NFIA: variants seen among roughly 807,000 people sequenced by gnomAD.
The protein encoded by NFIA is nuclear factor I A, also known as nuclear factor 1 A-type.
NFIA carries 8 observed loss-of-function variants against 62.8 expected under a neutral mutation model. That is an observed-to-expected ratio of 0.13 (90% confidence interval 0.07 to 0.23). The LOEUF (loss-of-function observed/expected upper bound fraction) is 0.23, where lower values mean the gene tolerates loss of function less well. Among genes scored for constraint, NFIA ranks in the 10% least tolerant of loss-of-function variants. The pLI, the probability that NFIA is intolerant of heterozygous loss-of-function variation, is 1.00. For missense variants in NFIA, 410 were observed against 642.1 expected (o/e 0.64, Z 3.91); for synonymous variants, 235 against 238.1 (o/e 0.99, Z 0.12).
At chr1:61,384,593 T>G (rs1027022175) in intron 7 of NFIA, among the ~76,000 whole-genome samples, 1 of 152,170 alleles carries the variant, frequency 6.6e-6, no homozygotes, top group African/African-American at 2.4e-5. Context: ...ATGAGGCTTA[T>G]TAAATAGTAT....
intron 4 of NFIA, among the ~76,000 whole-genome samples, chr1:61,346,354 G>A (rs1256454849): frequency 6.6e-6 from 1 of 152,148 alleles, no homozygotes; most frequent in African/African-American, 2.4e-5. Flanking sequence ...GTGATAACCT[G>A]GGCAGGCCAG....
chr1:61,311,052 A>G (rs576001060), intron 3 of NFIA, among the ~76,000 whole-genome samples: 1 of 152,282 alleles, frequency 6.6e-6, no homozygotes, highest in East Asian at 1.9e-4. Context: ...AATAGTAGGT[A>G]TTTAGTTAGT....
chr1:61,377,109 G>C (rs1032062782), intron 6 of NFIA, among the ~76,000 whole-genome samples: 1 of 151,994 alleles, frequency 6.6e-6, no homozygotes, highest in Non-Finnish European at 1.5e-5. Flanking sequence ...TGTAGACCCA[G>C]CTACTCAGGA....
intron 6 of NFIA, among the ~76,000 whole-genome samples, chr1:61,374,280 CG>C (rs1372789849): frequency 6.6e-6 from 1 of 151,900 alleles, no homozygotes; most frequent in Non-Finnish European, 1.5e-5. Flanking sequence ...TCTGTGAATG[CG>C]TATAATTGCT....
At chr1:61,264,084 C>G (rs773965091) in intron 2 of NFIA, among the ~76,000 whole-genome samples, 32 of 152,152 alleles carry the variant, frequency 2.1e-4, no homozygotes, top group Non-Finnish European at 4.6e-4. Context: ...CTGAATAATG[C>G]TTTGCACACA....
chr1:61,454,777 G>A (rs182794735), intron 10 of NFIA, among the ~76,000 whole-genome samples: 27 of 152,314 alleles, frequency 1.8e-4, no homozygotes, highest in African/African-American at 5.8e-4. Flanking sequence ...ATCTGGGCCT[G>A]TTAGGAGAGT....
chr1:61,163,119 A>G (rs1649327638), intron 2 of NFIA, among the ~76,000 whole-genome samples: 2 of 152,154 alleles, frequency 1.3e-5, no homozygotes, highest in Non-Finnish European at 2.9e-5. Context: ...AAAAAGAAAA[A>G]TCCTATACCG....
chr1:61,437,037 A>T (rs1026660907), intron 10 of NFIA, among the ~76,000 whole-genome samples: 7 of 152,144 alleles, frequency 4.6e-5, no homozygotes, highest in African/African-American at 1.7e-4. Context: ...ATGTGTTGAG[A>T]TAATGGGGAT....
At chr1:61,313,117 C>T (rs575800287) in intron 3 of NFIA, among the ~76,000 whole-genome samples, 13 of 152,204 alleles carry the variant, frequency 8.5e-5, no homozygotes, top group South Asian at 2.1e-4. Context: ...AGTGTGTTAG[C>T]GGTGACAAAT....
At chr1:61,146,733 C>A (rs1033360645) in intron 2 of NFIA, among the ~76,000 whole-genome samples, 5 of 152,206 alleles carry the variant, frequency 3.3e-5, no homozygotes, top group Non-Finnish European at 5.9e-5. Flanking sequence ...CCTCCACCCC[C>A]ACATGGTGTG....
chr1:61,230,782 T>TA (rs1049015173), intron 2 of NFIA, among the ~76,000 whole-genome samples: 86 of 152,244 alleles, frequency 5.6e-4, no homozygotes, highest in African/African-American at 2.0e-3. Flanking sequence ...TTGCCATGCT[T>TA]ACAGTTTACC....
chr1:61,413,444 T>A (rs1294463748), intron 9 of NFIA, among the ~76,000 whole-genome samples: 1 of 151,956 alleles, frequency 6.6e-6, no homozygotes, highest in Non-Finnish European at 1.5e-5. Flanking sequence ...AAGATGGAGG[T>A]TACATTCCCA....
At chr1:61,309,147 G>A (rs17121931) in intron 3 of NFIA, among the ~76,000 whole-genome samples, 1,955 of 151,920 alleles carry the variant, frequency 0.013, 32 homozygotes, top group African/African-American at 0.045. Context: ...TCCTTCTTTC[G>A]TCTGAGCTCT....
At chr1:61,278,421 T>C (rs1394842921) in intron 3 of NFIA, among the ~76,000 whole-genome samples, 2 of 152,194 alleles carry the variant, frequency 1.3e-5, no homozygotes, top group African/African-American at 2.4e-5. Context: ...TCTTCTTTGC[T>C]GATAGCACTG....
At chr1:61,326,911 C>G (rs1047967391) in intron 3 of NFIA, among the ~76,000 whole-genome samples, 2 of 151,646 alleles carry the variant, frequency 1.3e-5, no homozygotes, top group Non-Finnish European at 2.9e-5. Context: ...AAGGGTAGGG[C>G]CAGAAGTGAG....
rs1326621696 is a variant in NFIA, at chr1:61,356,901, A to G, written c.819-2246A>G. On this transcript the variant is annotated intron_variant, in intron 5 of 10. Coordinates refer to ENST00000403491, the MANE Select transcript of NFIA (RefSeq NM_001134673.4). ...ACATTTTTTCATTCAGATTGCTGCA[A>G]TAGCTTAACTGTCTCCCTGCCCTAG... Among the ~76,000 whole-genome samples the G allele has an allele frequency of 3.3e-5, 5 of 152,204 alleles. No homozygotes were observed. The East Asian group carries it at 5.8e-4, about 18-fold the overall frequency.
chr1:61,405,108 C>T (rs1665752567), intron 8 of NFIA, among the ~76,000 whole-genome samples: 4 of 152,076 alleles, frequency 2.6e-5, no homozygotes, highest in Admixed American at 2.6e-4. Flanking sequence ...TATTACTGGC[C>T]AATTTAGGAT....
chr1:61,447,690 G>T (rs1667873231), intron 10 of NFIA, among the ~76,000 whole-genome samples: 1 of 152,128 alleles, frequency 6.6e-6, no homozygotes. Flanking sequence ...TCAATTTAAT[G>T]GATAGAATCT....
intron 2 of NFIA, among the ~76,000 whole-genome samples, chr1:61,098,938 A>G (rs529798800): frequency 6.6e-5 from 10 of 152,328 alleles, no homozygotes; most frequent in African/African-American, 2.4e-4. Flanking sequence ...CCATATATAT[A>G]TATGTATACA....
Sources: gnomAD v4.1 joint callset for allele counts (sites outside exome capture counted in the v4.1 genomes callset) on GRCh38, gnomAD v4.1.1 for gene constraint, MANE v1.5 for transcripts, NCBI Gene and HGNC (gene_info 2026-07-23, HGNC 2026-07-21) for gene names.